Variants in FAT1 observed in about 807,000 individuals in gnomAD.
FAT1 encodes the protein FAT atypical cadherin 1, also known as protocadherin Fat 1.
A neutral mutation model predicts 329.8 loss-of-function variants in FAT1; 171 were observed. The ratio of observed to expected loss-of-function variants is 0.52; its 90% CI spans 0.46 to 0.59. FAT1 has a LOEUF of 0.59. Ranked by LOEUF, FAT1 falls within the 20% of genes least tolerant of loss-of-function variation. The pLI, the probability that FAT1 is intolerant of heterozygous loss-of-function variation, is 0.00. For missense variants in FAT1, 5,672 were observed against 5,774.4 expected, an observed-to-expected ratio of 0.98 and a Z score of 0.57; for synonymous variants, 2,233 against 2,228.6, an observed-to-expected ratio of 1.00 and a Z score of -0.06.
At chr4:186,667,777 T>G (rs560590742) in intron 2 of FAT1, among the ~76,000 whole-genome samples, 1 of 152,254 alleles carries the variant, frequency 6.6e-6, no homozygotes, top group South Asian at 2.1e-4. Context: ...AAGAGAAGCT[T>G]AGATCCATTA....
At chr4:186,722,409 G>C (rs988295200) in intron 1 of FAT1, among the ~76,000 whole-genome samples, 1 of 152,178 alleles carries the variant, frequency 6.6e-6, no homozygotes, top group Non-Finnish European at 1.5e-5. Flanking sequence ...TAAATGCCAT[G>C]TTTAGCATCA....
chr4:186,618,558 C>T lies in FAT1; in HGVS notation c.8028G>A (p.Val2676=), dbSNP rs760637765. The change falls in exon 10 of 27, where the codon GTG becomes GTA. Residue 2676 remains valine, a synonymous_variant. Transcript: ENST00000441802. ...NEFFTFFVRA[V]DNGSPSKESV... ...ATTCTTTTGATGGAGACCCATTATC[C>T]ACAGCTCTAACAAAGAAAGTGAAGA... The T allele has an allele frequency of 6.2e-7, 1 of 1,613,990 alleles. No homozygotes were observed. The highest frequency in any genetic ancestry group is 8.5e-7 in the Non-Finnish European group (1 of 1,179,882).
chr4:186,721,682 C>G (rs1050380494), intron 1 of FAT1, among the ~76,000 whole-genome samples: 3 of 151,746 alleles, frequency 2.0e-5, no homozygotes, highest in Non-Finnish European at 4.4e-5. Flanking sequence ...GGAAAGCAAG[C>G]GGGTAAAGTG....
In FAT1 at chr4:186,600,487, C is replaced by A. The variant is rs1214214641; in HGVS notation, c.11641-127G>T. On this transcript the variant is annotated intron_variant, in intron 21 of 26. Coordinates refer to ENST00000441802, the MANE Select transcript of FAT1 (RefSeq NM_005245.4). ...AGTTAGGCCTTACATTTAAGTACTA[C>A]AGAGCACAGATTCATTTGTCCACTG... 8 of 701,552 alleles carry A rather than the reference C, an allele frequency of 1.1e-5. No individual in the cohort carries two copies. The Admixed American group carries it at 2.3e-4, about 21-fold the overall frequency. 43.5% of individuals were successfully genotyped at this position (701,552 alleles called of 1,614,324 possible).
chr4:186,691,926 C>T (rs1246583596), intron 2 of FAT1, among the ~76,000 whole-genome samples: 1 of 147,564 alleles, frequency 6.8e-6, no homozygotes, highest in African/African-American at 2.7e-5. Flanking sequence ...ACTGTGGCTA[C>T]TATTTTTTTT....
Position 186,617,813 on chromosome 4 carries a change from C to T in FAT1, c.8773G>A (p.Gly2925Arg). The T allele has an allele frequency of 1.2e-6, 2 of 1,614,002 alleles. No homozygotes were observed. The highest frequency in any genetic ancestry group is 2.2e-5 in the South Asian group (2 of 91,074). The change falls in exon 10 of 27, where the codon GGG (glycine) becomes AGG (arginine). Residue 2925 changes from glycine (G) to arginine (R), a missense_variant. Physicochemically the swap from Gly to Arg is moderately radical, Grantham distance 125. Around this residue, in one of 2 missense-constraint regions of FAT1, gnomAD observed 3,966 missense variants for 3,915.2 expected, o/e 1.01. Transcript: ENST00000441802. ...PPRFTAEIYK[G>R]TVSEDDPQGG... is the part of the protein sequence containing the mutation. ...TGGGGGTCATCCTCACTCACAGTCC[C>T]TTTATAGATCTCGGCCGTGAATCGT...
chr4:186,599,865 G>A (rs573585932), intron 22 of FAT1, 33 bp downstream of exon 22: 1 of 1,515,490 alleles, frequency 6.6e-7, no homozygotes, highest in South Asian at 1.2e-5. Context: ...CACACGTGCA[G>A]CATTTTAAAG....
At chr4:186,589,366 C>G in intron 26 of FAT1, 146 bp from the exon 27 acceptor site, 1 of 902,482 alleles carries the variant, frequency 1.1e-6, no homozygotes, top group Non-Finnish European at 1.7e-6. Flanking sequence ...CTCGTCTTTG[C>G]TTTGAAGACA....
rs754291065 is a variant in FAT1, at chr4:186,706,830, T to C, written c.2998A>G (p.Thr1000Ala). ...TTTCCCTTGTCTTTGGCCCTCACAG[T>C]GAGATTATACACTTGCTTCTTCTCA... Reference protein sequence around the residue: ...DFEKKQVYNLTVRAKDKGKPV... With the variant: ...DFEKKQVYNLAVRAKDKGKPV... The change falls in exon 2 of 27, where the codon ACT becomes GCT. Residue 1000 changes from threonine (T) to alanine (A), a missense_variant. Coordinates refer to ENST00000441802, the MANE Select transcript of FAT1 (RefSeq NM_005245.4). 3 of 1,610,996 alleles carry C rather than the reference T, an allele frequency of 1.9e-6. No homozygotes were observed. The highest frequency in any genetic ancestry group is 1.1e-5 in the South Asian group (1 of 90,996).
At position 186,601,516 on chromosome 4, in the gene FAT1, T is replaced by A. The variant is rs964358765; in HGVS notation, c.11483-90A>T. ...CTCCCCTGCACCCCTTGAGACTGAT[T>A]TAGGGTTTTATTTAAGATGATAACA... On this transcript the variant is annotated intron_variant, in intron 20 of 26. Transcript: ENST00000441802. 1.4e-5 allele frequency: 14 copies of A among 1,010,002 alleles called. No individual in the cohort carries two copies. In the Admixed American group the frequency reaches 3.4e-4, roughly 24 times the overall value. The allele number at this position is 1,010,002 out of a possible 1,614,324, so 62.6% of individuals were successfully genotyped here.
chr4:186,696,491 CCT>C (rs1427170967), intron 2 of FAT1, among the ~76,000 whole-genome samples: 1 of 152,110 alleles, frequency 6.6e-6, no homozygotes, highest in Admixed American at 6.5e-5. Flanking sequence ...ATGAACACCC[CCT>C]GAGCAGGCAG....
chr4:186,724,183 T>TAAAAAAAAAA (rs59026469), upstream of FAT1, among the ~76,000 whole-genome samples: 1 of 71,322 alleles, frequency 1.4e-5, no homozygotes, highest in African/African-American at 6.3e-5. The surrounding 1 kb of genome is among the most constrained non-coding windows in gnomAD (Gnocchi z 5.3). Context: ...TTAGCTTAGC[T>TAAAAAAAAAA]AAAAAAAAAA....
At chr4:186,718,510 T>C (rs1745320933) in intron 1 of FAT1, among the ~76,000 whole-genome samples, 1 of 151,866 alleles carries the variant, frequency 6.6e-6, no homozygotes, top group African/African-American at 2.4e-5. Flanking sequence ...CTACTAAAAA[T>C]ACAAAAATTA....
intron 2 of FAT1, among the ~76,000 whole-genome samples, chr4:186,669,910 C>T (rs528408452): frequency 6.6e-6 from 1 of 152,304 alleles, no homozygotes; most frequent in Non-Finnish European, 1.5e-5. Flanking sequence ...CTCCCCGCCA[C>T]TGCTGGCCCC....
In FAT1 at chr4:186,597,192, G is replaced by A. The variant is rs762260849; in HGVS notation, c.12369-21C>T. ...GACACCTGCCAAGGAAGTCAGGAAT[G>A]AGGAGAGACCTCTGTAGCATACGCC... is the stretch of plus-strand genomic sequence containing the variant. On this transcript the variant is annotated intron_variant, in intron 24 of 26. Transcript: ENST00000441802. The A allele has an allele frequency of 1.2e-5, 19 of 1,578,842 alleles. No individual in the cohort carries two copies. In the East Asian group the frequency reaches 2.9e-4, roughly 24 times the overall value.
chr4:186,710,506 A>G (rs1337126020), intron 1 of FAT1, among the ~76,000 whole-genome samples: 1 of 152,256 alleles, frequency 6.6e-6, no homozygotes, highest in African/African-American at 2.4e-5. Flanking sequence ...AAATAATTAT[A>G]TCAAGTATAA....
chr4:186,628,250 A>C lies in FAT1; in HGVS notation c.4714T>G (p.Tyr1572Asp), dbSNP rs1325212011. The change falls in exon 9 of 27, where the codon TAT becomes GAT. Residue 1572 changes from tyrosine (Y) to aspartate (D), a missense_variant. Tyr to Asp is a radical substitution (Grantham distance 160, BLOSUM62 -3). Around this residue, in one of 2 missense-constraint regions of FAT1, gnomAD observed 3,966 missense variants for 3,915.2 expected, o/e 1.01. Transcript: ENST00000441802. ...ACTGAGCCAACGGCTGCCGATTCATAAACCCGCCCTTTGTAGGAGGAAGCG... is the reference window on the plus strand; with the variant it reads ...ACTGAGCCAACGGCTGCCGATTCATCAACCCGCCCTTTGTAGGAGGAAGCG... Reference protein sequence around the residue: ...FTASSYKGRVYESAAVGSVVL... With the variant: ...FTASSYKGRVDESAAVGSVVL... 6.2e-7 allele frequency: 1 copy of C among 1,613,966 alleles called. No homozygotes were observed. The highest frequency in any genetic ancestry group is 2.2e-5 in the East Asian group (1 of 44,878).
At chr4:186,667,495 A>G (rs965082687) in intron 2 of FAT1, among the ~76,000 whole-genome samples, 6 of 152,218 alleles carry the variant, frequency 3.9e-5, no homozygotes, top group Non-Finnish European at 8.8e-5. Flanking sequence ...TATAATGCCT[A>G]TCGTGATTGC....
Position 186,706,778 on chromosome 4 carries a change from T to C in FAT1, c.3050A>G (p.Tyr1017Cys), listed in dbSNP as rs187106653. The C allele has an allele frequency of 3.2e-5, 51 of 1,613,932 alleles. 1 individual carries two copies. The Middle Eastern group carries it at 8.2e-4, about 26-fold the overall frequency. The change falls in exon 2 of 27, where the codon TAT becomes TGT. Residue 1017 changes from tyrosine (Y) to cysteine (C), a missense_variant. By Grantham distance (194) the Tyr-to-Cys change is radical (BLOSUM62 -2). Coordinates refer to ENST00000441802, the MANE Select transcript of FAT1 (RefSeq NM_005245.4). ...GKPVSLSSTC[Y>C]VEVEVVDVNE... The stretch of plus-strand genomic sequence containing the variant: ...CACATCAACCACCTCAACTTCAACA[T>C]AGCAAGTAGAAGACAGAGAAACTGG...
Sources: allele counts gnomAD v4.1 joint callset (sites outside exome capture counted in the v4.1 genomes callset), GRCh38; gene constraint gnomAD v4.1.1; regional missense constraint gnomAD v4.1.1; non-coding constraint Gnocchi (gnomAD v3.1); transcripts MANE v1.5; gene names NCBI Gene and HGNC (gene_info 2026-07-23, HGNC 2026-07-21).